The following CTNNA3 variants were observed in gnomAD, a reference collection of about 807,000 sequenced individuals.
CTNNA3 encodes the protein catenin alpha-3.
CTNNA3 carries 76 observed loss-of-function variants against 95.7 expected under a neutral mutation model. The ratio of observed to expected loss-of-function variants is 0.79; its 90% CI spans 0.66 to 0.96. The LOEUF (loss-of-function observed/expected upper bound fraction) is 0.96. CTNNA3 is among the 40% of genes least tolerant of loss of function. The pLI, the probability that CTNNA3 is intolerant of heterozygous loss-of-function variation, is 0.00. For missense variants in CTNNA3, 1,191 were observed against 1,089.8 expected (o/e 1.09, Z -1.31); for synonymous variants, 431 against 374.4 (o/e 1.15, Z -1.74).
intron 17 of CTNNA3, among the ~76,000 whole-genome samples, chr10:65,926,780 C>T (rs557692058): frequency 6.6e-6 from 1 of 152,136 alleles, no homozygotes; most frequent in Admixed American, 6.6e-5. Context: ...TGTCACACAT[C>T]TTCATCTACA....
intron 12 of CTNNA3, among the ~76,000 whole-genome samples, chr10:66,281,990 C>T (rs1395307288): frequency 6.6e-6 from 1 of 151,774 alleles, no homozygotes; most frequent in Non-Finnish European, 1.5e-5. Context: ...ATTCATTAGC[C>T]TCAAATTTTA....
Position 66,189,852 on chromosome 10 carries a change from G to A in CTNNA3, c.1885-86603C>T, listed in dbSNP as rs535748822. Among the ~76,000 whole-genome samples, 9 of 151,698 alleles carry A rather than the reference G, an allele frequency of 5.9e-5. No homozygotes were observed. In the South Asian group the frequency reaches 1.7e-3, roughly 28 times the overall value. On this transcript the variant is annotated intron_variant, in intron 13 of 17. Coordinates refer to ENST00000433211, the MANE Select transcript of CTNNA3 (RefSeq NM_013266.4). ...ACTTCCTTTAATATTTTTATGACAAGGTCTACAAATGAGTAATTCTCTAAT... is the reference window on the plus strand; with the variant it reads ...ACTTCCTTTAATATTTTTATGACAAAGTCTACAAATGAGTAATTCTCTAAT...
intron 5 of CTNNA3, among the ~76,000 whole-genome samples, chr10:67,272,126 C>G (rs1292309352): frequency 6.6e-6 from 1 of 152,158 alleles, no homozygotes; most frequent in Non-Finnish European, 1.5e-5. Context: ...CTGAACTGAG[C>G]TAACTTTAAA....
At chr10:66,075,375 A>C (rs1426736408) in intron 14 of CTNNA3, among the ~76,000 whole-genome samples, 4 of 151,816 alleles carry the variant, frequency 2.6e-5, no homozygotes, top group African/African-American at 4.8e-5. Context: ...AGCAATTAAC[A>C]ATCCTAAACC....
intron 7 of CTNNA3, among the ~76,000 whole-genome samples, chr10:66,886,593 C>T (rs1027132073): frequency 3.3e-5 from 5 of 152,168 alleles, no homozygotes; most frequent in Non-Finnish European, 7.3e-5. Context: ...ATTCTACCTC[C>T]AGGACCATCT....
At chr10:67,653,645 C>T (rs959085773) in intron 1 of CTNNA3, among the ~76,000 whole-genome samples, 8 of 152,128 alleles carry the variant, frequency 5.3e-5, no homozygotes, top group South Asian at 2.1e-4. Context: ...AATCATATTT[C>T]GTGTTAATCT....
At chr10:66,385,480 A>G (rs923920175) in intron 11 of CTNNA3, among the ~76,000 whole-genome samples, 1 of 152,192 alleles carries the variant, frequency 6.6e-6, no homozygotes, top group African/African-American at 2.4e-5. Context: ...GTCCAGGACC[A>G]GAAGGATTCA....
intron 15 of CTNNA3, among the ~76,000 whole-genome samples, chr10:66,021,930 T>C (rs1048522164): frequency 2.0e-5 from 3 of 148,222 alleles, no homozygotes; most frequent in African/African-American, 7.5e-5. Context: ...CGCAGCTCAT[T>C]GTAGCCTTGA....
chr10:67,400,484 C>T (rs1384438605), intron 5 of CTNNA3, among the ~76,000 whole-genome samples: 1 of 152,068 alleles, frequency 6.6e-6, no homozygotes, highest in East Asian at 1.9e-4. Context: ...GATTTTGTCT[C>T]CCTACAAATG....
At chr10:66,605,026 T>A (rs1267717489) in intron 10 of CTNNA3, among the ~76,000 whole-genome samples, 2 of 151,848 alleles carry the variant, frequency 1.3e-5, no homozygotes, top group Non-Finnish European at 2.9e-5. Context: ...GATGCAGGAG[T>A]ACATTGAAGC....
intron 5 of CTNNA3, among the ~76,000 whole-genome samples, chr10:67,260,167 T>C (rs1244926436): frequency 6.6e-6 from 1 of 152,024 alleles, no homozygotes; most frequent in Non-Finnish European, 1.5e-5. Flanking sequence ...CTGGAGGGAG[T>C]GGGACCACAG....
chr10:65,931,170 A>G (rs997337075), intron 17 of CTNNA3, among the ~76,000 whole-genome samples: 2 of 152,324 alleles, frequency 1.3e-5, no homozygotes, highest in Non-Finnish European at 1.5e-5. Context: ...ACAATTATCT[A>G]TAAAGTGAGA....
At chr10:66,596,291 T>C (rs1843712814) in intron 10 of CTNNA3, among the ~76,000 whole-genome samples, 1 of 152,100 alleles carries the variant, frequency 6.6e-6, no homozygotes, top group Admixed American at 6.6e-5. Flanking sequence ...AGCTAACTGA[T>C]ATGTATTCCC....
chr10:65,999,480 T>A (rs1354576541), intron 15 of CTNNA3, among the ~76,000 whole-genome samples: 1 of 152,204 alleles, frequency 6.6e-6, no homozygotes, highest in African/African-American at 2.4e-5. Flanking sequence ...GAGACCACTA[T>A]CTTAAGCACA....
At chr10:66,319,438 G>A (rs976346207) in intron 12 of CTNNA3, among the ~76,000 whole-genome samples, 1 of 152,100 alleles carries the variant, frequency 6.6e-6, no homozygotes, top group African/African-American at 2.4e-5. Flanking sequence ...TAAGATGTAC[G>A]TAGAAGTCCT....
chr10:66,458,348 T>C (rs1477100422), intron 11 of CTNNA3, among the ~76,000 whole-genome samples: 1 of 152,206 alleles, frequency 6.6e-6, no homozygotes, highest in Non-Finnish European at 1.5e-5. Flanking sequence ...ATTCTAGATT[T>C]GTATTTCATT....
chr10:66,521,012 TGTA>T (rs1416503690), intron 10 of CTNNA3, among the ~76,000 whole-genome samples: 1 of 151,406 alleles, frequency 6.6e-6, no homozygotes, highest in Non-Finnish European at 1.5e-5. Context: ...TCTGTAAAGA[TGTA>T]GAACATTTAC....
intron 7 of CTNNA3, among the ~76,000 whole-genome samples, chr10:66,971,763 CCATAAA>C (rs1195475330): frequency 1.3e-5 from 2 of 152,104 alleles, no homozygotes; most frequent in Non-Finnish European, 2.9e-5. Flanking sequence ...AGAAAATATA[CCATAAA>C]CATAATTTAT....
chr10:66,524,568 T>C (rs944194674), intron 10 of CTNNA3, among the ~76,000 whole-genome samples: 1 of 152,152 alleles, frequency 6.6e-6, no homozygotes, highest in Non-Finnish European at 1.5e-5. Context: ...TCTTGAAAAT[T>C]TGAACTAGAA....
Sources: gnomAD v4.1 joint callset for allele counts (sites outside exome capture counted in the v4.1 genomes callset) on GRCh38, gnomAD v4.1.1 for gene constraint, MANE v1.5 for transcripts, NCBI Gene and HGNC (gene_info 2026-07-23, HGNC 2026-07-21) for gene names.